Variants in MCTP2 observed in about 807,000 individuals in gnomAD.
The protein encoded by MCTP2 is multiple C2 and transmembrane domain containing 2.
Under a neutral mutation model 111.6 loss-of-function variants are expected in MCTP2, and 132 were observed. The observed-to-expected ratio is 1.18, with a 90% CI of 1.03 to 1.37. MCTP2 has a LOEUF of 1.37. MCTP2 is among the 40% of genes most tolerant of loss of function. The pLI is 0.00. For synonymous variants in MCTP2, 395 were observed against 387.7 expected (o/e 1.02, Z -0.22); for missense variants, 1,183 against 1,067.9 (o/e 1.11, Z -1.50).
chr15:94,236,592 ATCTAAT>A (rs2152211300), intron 1 of MCTP2, among the ~76,000 whole-genome samples: 1 of 152,140 alleles, frequency 6.6e-6, no homozygotes, highest in South Asian at 2.1e-4. Context: ...AGGCAGCAGA[ATCTAAT>A]TCTGAGAATG....
intron 1 of MCTP2, among the ~76,000 whole-genome samples, chr15:94,244,419 CACAT>C (rs1433633781): frequency 4.7e-5 from 7 of 149,066 alleles, no homozygotes; most frequent in African/African-American, 7.4e-5. Context: ...TATATGTATA[CACAT>C]ACATATGCAC....
At chr15:94,259,100 G>C (rs529375507) in intron 1 of MCTP2, among the ~76,000 whole-genome samples, 1 of 152,258 alleles carries the variant, frequency 6.6e-6, no homozygotes, top group Admixed American at 6.5e-5. Context: ...CTCTCCCTGG[G>C]CCATGCTCAC....
intron 1 of MCTP2, among the ~76,000 whole-genome samples, chr15:94,254,270 A>G (rs1311883377): frequency 6.6e-6 from 1 of 152,218 alleles, no homozygotes; most frequent in Non-Finnish European, 1.5e-5. Flanking sequence ...TTATTTTAGA[A>G]TGATGACTGC....
intron 1 of MCTP2, among the ~76,000 whole-genome samples, chr15:94,243,976 T>G (rs1182570863): frequency 6.8e-6 from 1 of 147,600 alleles, no homozygotes; most frequent in Admixed American, 6.7e-5. Flanking sequence ...CACATATGTA[T>G]ACACATACAT....
At chr15:94,378,731 G>A (rs2079922862) in intron 12 of MCTP2, among the ~76,000 whole-genome samples, 1 of 152,178 alleles carries the variant, frequency 6.6e-6, no homozygotes. Flanking sequence ...AGGTGAGCAG[G>A]TCTTTGCCTG....
At chr15:94,339,643 A>G (rs1270978734) in intron 5 of MCTP2, among the ~76,000 whole-genome samples, 1 of 152,180 alleles carries the variant, frequency 6.6e-6, no homozygotes, top group Non-Finnish European at 1.5e-5. Flanking sequence ...TAATATCTAC[A>G]TTGATTGCAT....
chr15:94,298,929 TTCCCTC>T (rs1567356171), intron 2 of MCTP2, among the ~76,000 whole-genome samples, 199 bp downstream of exon 2: 196 of 10,708 alleles, frequency 0.018, 9 homozygotes, highest in African/African-American at 0.084. Context: ...CTCTCCCTCT[TTCCCTC>T]TCCCTCTCTC....
At chr15:94,252,476 A>G (rs2072500975) in intron 1 of MCTP2, among the ~76,000 whole-genome samples, 1 of 152,222 alleles carries the variant, frequency 6.6e-6, no homozygotes, top group African/African-American at 2.4e-5. Flanking sequence ...TCTGGATTCT[A>G]GTAATGTCTC....
At chr15:94,245,398 G>T (rs368596228) in intron 1 of MCTP2, among the ~76,000 whole-genome samples, 1 of 50,934 alleles carries the variant, frequency 2.0e-5, no homozygotes, top group Non-Finnish European at 4.8e-5. Context: ...TTATATACAT[G>T]TGTGTATATA....
chr15:94,308,411 C>G (rs915751202), intron 2 of MCTP2, among the ~76,000 whole-genome samples: 1 of 152,182 alleles, frequency 6.6e-6, no homozygotes, highest in Non-Finnish European at 1.5e-5. Context: ...CCAGGTCACT[C>G]AGGGGAAGCC....
chr15:94,280,537 T>A lies in MCTP2; in HGVS notation c.-65-17664T>A, dbSNP rs929600200. 5.3e-5 allele frequency among the ~76,000 whole-genome samples: 8 copies of A among 151,944 alleles called. No homozygotes were observed. The East Asian group carries it at 1.5e-3, about 29-fold the overall frequency. On this transcript the variant is annotated intron_variant, in intron 1 of 22. Coordinates refer to ENST00000357742, the MANE Select transcript of MCTP2 (RefSeq NM_001385001.1). ...TAGTCTCACTACCAATCTTATTCTTTCAAATAACAACTTTTGGTTTCATTG... is the reference window on the plus strand; with the variant it reads ...TAGTCTCACTACCAATCTTATTCTTACAAATAACAACTTTTGGTTTCATTG...
Position 94,424,688 on chromosome 15 carries a change from G to A in MCTP2, c.2086-15488G>A, listed in dbSNP as rs114215706. ...GATTATTGAACCATCAGCATCAAAT[G>A]AAAGTTATGATTTTGCATCTTAGAA... On this transcript the variant is annotated intron_variant, in intron 17 of 22. Transcript: ENST00000357742. Among the ~76,000 whole-genome samples, 821 of 152,238 alleles carry A rather than the reference G, an allele frequency of 5.4e-3. 4 individuals are homozygous for A. The highest frequency in any genetic ancestry group is 0.018 in the African/African-American group (745 of 41,536).
chr15:94,315,572 C>A lies in MCTP2; in HGVS notation c.572C>A (p.Pro191His). 6.2e-7 allele frequency: 1 copy of A among 1,614,142 alleles called. No homozygotes were observed. Among genetic ancestry groups the A allele is most frequent in the Non-Finnish European group, 8.5e-7 (1 of 1,180,020 alleles). ...ASDGLSNLPSPFAYLLTIHLK... is the reference protein window; with the variant it reads ...ASDGLSNLPSHFAYLLTIHLK... ...GATGGCTTGAGTAACCTCCCCAGCC[C>A]TTTTGCGTACCTCCTCACCATACAC... Residue 191 changes from proline (P) to histidine (H), a missense_variant, in exon 4 of 23, where the codon CCT becomes CAT. By Grantham distance (77) the Pro-to-His change is moderately conservative. Transcript: ENST00000357742.
At chr15:94,299,272 C>T (rs998903160) in intron 2 of MCTP2, among the ~76,000 whole-genome samples, 2 of 151,800 alleles carry the variant, frequency 1.3e-5, no homozygotes, top group East Asian at 1.9e-4. Flanking sequence ...TTTTATCTGT[C>T]TCCTGGCAAA....
chr15:94,452,869 C>G (rs2084552739), intron 19 of MCTP2, among the ~76,000 whole-genome samples: 1 of 152,152 alleles, frequency 6.6e-6, no homozygotes, highest in African/African-American at 2.4e-5. Flanking sequence ...ATAAAGATAC[C>G]TGAGCTCAGA....
intron 17 of MCTP2, among the ~76,000 whole-genome samples, chr15:94,408,085 A>G (rs938775391): frequency 1.3e-5 from 2 of 152,188 alleles, no homozygotes; most frequent in African/African-American, 4.8e-5. Flanking sequence ...TGTGTCTAAA[A>G]GATTTACTTT....
intron 4 of MCTP2, among the ~76,000 whole-genome samples, chr15:94,332,549 T>C (rs2077177514): frequency 6.6e-6 from 1 of 152,230 alleles, no homozygotes; most frequent in Non-Finnish European, 1.5e-5. Flanking sequence ...AGTAAATAAT[T>C]GTTGACTTGA....
intron 19 of MCTP2, among the ~76,000 whole-genome samples, chr15:94,457,564 T>A (rs2084913463): frequency 6.6e-6 from 1 of 152,184 alleles, no homozygotes; most frequent in Admixed American, 6.5e-5. Flanking sequence ...GTGGGGTTAC[T>A]TTGTAGCATG....
chr15:94,403,248 AG>A (rs1382394481), intron 17 of MCTP2: 2 of 984,608 alleles, frequency 2.0e-6, no homozygotes, highest in African/African-American at 3.5e-5. Flanking sequence ...ACACTAATAA[AG>A]GTTTTATTAA....
Sources: allele counts gnomAD v4.1 joint callset (sites outside exome capture counted in the v4.1 genomes callset), GRCh38; gene constraint gnomAD v4.1.1; transcripts MANE v1.5; gene names NCBI Gene and HGNC (gene_info 2026-07-23, HGNC 2026-07-21).